FARP1: variants seen among roughly 807,000 people sequenced by gnomAD.
FARP1 encodes FERM, ARHGEF and pleckstrin domain-containing protein 1.
Under a neutral mutation model 128.8 loss-of-function variants are expected in FARP1, and 52 were observed. The observed-to-expected ratio is 0.40, with a 90% CI of 0.32 to 0.51. The LOEUF (loss-of-function observed/expected upper bound fraction) is 0.51, where lower values mean the gene tolerates loss of function less well. FARP1 is among the 20% of genes least tolerant of loss of function. The probability of loss-of-function intolerance (pLI) is 0.45; values close to 1 mark genes in which losing one functional copy is unlikely to be tolerated. For missense variants in FARP1, 1,333 were observed against 1,367.9 expected (o/e 0.97, Z 0.40); for synonymous variants, 580 against 551.8 (o/e 1.05, Z -0.72).
At chr13:98,413,137 C>T (rs556305412) in intron 16 of FARP1, among the ~76,000 whole-genome samples, 2 of 152,290 alleles carry the variant, frequency 1.3e-5, no homozygotes, top group South Asian at 2.1e-4. Flanking sequence ...AAGTGATGTC[C>T]GGCTTTGTAC....
intron 2 of FARP1, among the ~76,000 whole-genome samples, chr13:98,236,117 GC>G (rs1194233770): frequency 2.6e-5 from 4 of 152,152 alleles, no homozygotes; most frequent in African/African-American, 9.7e-5. Context: ...CCTATATGTG[GC>G]CTTTTGTGAC....
intron 2 of FARP1, among the ~76,000 whole-genome samples, chr13:98,231,194 C>G (rs1390042987): frequency 6.6e-6 from 1 of 152,062 alleles, no homozygotes; most frequent in Non-Finnish European, 1.5e-5. Context: ...CAATGACAAG[C>G]CTGGGTGCAA....
rs530974669 is a variant in FARP1 at position 98,339,807 on chromosome 13, T to A, written c.172-3955T>A. On this transcript the variant is annotated intron_variant, in intron 2 of 26. Coordinates refer to ENST00000319562, the MANE Select transcript of FARP1 (RefSeq NM_005766.4). ...ATCGACTTGTGATTTATTAGCTAGA[T>A]CCTAAGTCTCTACTGCAAACCCATG... Among the ~76,000 whole-genome samples the A allele has an allele frequency of 2.9e-4, 44 of 152,332 alleles. No homozygotes were observed. In the South Asian group the frequency reaches 8.9e-3, roughly 31 times the overall value.
intron 3 of FARP1, among the ~76,000 whole-genome samples, chr13:98,357,241 T>A (rs1888680251): frequency 6.6e-6 from 1 of 152,204 alleles, no homozygotes; most frequent in African/African-American, 2.4e-5. Flanking sequence ...CTGTTTGTTT[T>A]CTTTTTGTCT....
intron 2 of FARP1, chr13:98,338,585 T>A (rs1887836855): frequency 6.6e-6 from 1 of 152,264 alleles, no homozygotes; most frequent in Non-Finnish European, 1.5e-5. Flanking sequence ...CCTGGGTTGC[T>A]TCTAGCTTTT....
chr13:98,145,323 G>C (rs1166068723), intron 1 of FARP1, among the ~76,000 whole-genome samples: 1 of 152,214 alleles, frequency 6.6e-6, no homozygotes, highest in African/African-American at 2.4e-5. Flanking sequence ...GTCACTGTGG[G>C]AATCCTTTTG....
intron 1 of FARP1, among the ~76,000 whole-genome samples, chr13:98,195,521 CCCAGACTTCAGGCGGGGCAT>C (rs1879517424): frequency 6.6e-6 from 1 of 152,084 alleles, no homozygotes; most frequent in African/African-American, 2.4e-5. Context: ...TTAGTTCTAA[CCCAGACTTCAGGCGGGGCAT>C]CCAGAGCGTT....
At position 98,446,138 on chromosome 13, in the gene FARP1, G is replaced by A. The variant is rs769358579; in HGVS notation, c.2837G>A (p.Ser946Asn). ...SGNLLRKFKN[S>N]NGWQKLWVVF... The stretch of plus-strand genomic sequence containing the variant: ...AACCTGCTGAGGAAATTCAAAAACA[G>A]CAACGGGTGGCAGAAGCTGTGGGTG... Residue 946 changes from serine to asparagine, a missense_variant, in exon 25 of 27, where the codon AGC becomes AAC. Ser to Asn is a conservative substitution (Grantham distance 46, BLOSUM62 1). Around this residue, in one of 2 missense-constraint regions of FARP1, gnomAD observed 1,009 missense variants for 969.8 expected, o/e 1.04. Coordinates refer to ENST00000319562, the MANE Select transcript of FARP1 (RefSeq NM_005766.4). 11 of 1,613,976 alleles carry A rather than the reference G, an allele frequency of 6.8e-6. No homozygotes were observed. The highest frequency in any genetic ancestry group is 6.7e-5 in the Admixed American group (4 of 59,998).
At chr13:98,356,319 G>A (rs1888639944) in intron 3 of FARP1, among the ~76,000 whole-genome samples, 2 of 152,212 alleles carry the variant, frequency 1.3e-5, no homozygotes, top group Non-Finnish European at 2.9e-5. Context: ...GTGTAAGTAC[G>A]GTTGTCTCTA....
intron 1 of FARP1, among the ~76,000 whole-genome samples, chr13:98,181,966 G>A (rs285099): frequency 0.078 from 11,843 of 152,156 alleles, 652 homozygotes; most frequent in Non-Finnish European, 0.12. Context: ...AGAGAGATTA[G>A]CGCTATCTTT....
At chr13:98,187,917 T>A (rs537547334) in intron 1 of FARP1, among the ~76,000 whole-genome samples, 2 of 152,380 alleles carry the variant, frequency 1.3e-5, no homozygotes, top group South Asian at 2.1e-4. Flanking sequence ...TGTTGAACCC[T>A]CTTTGGGGAG....
chr13:98,362,611 G>C (rs1888918009), intron 3 of FARP1, among the ~76,000 whole-genome samples: 1 of 152,180 alleles, frequency 6.6e-6, no homozygotes, highest in Non-Finnish European at 1.5e-5. Flanking sequence ...CTCTACGCTG[G>C]CCGTCTTATC....
chr13:98,163,709 T>C (rs1050217116), intron 1 of FARP1, among the ~76,000 whole-genome samples: 1 of 87,940 alleles, frequency 1.1e-5, no homozygotes, highest in African/African-American at 2.8e-5. Flanking sequence ...TAGCATGGCC[T>C]TTTCTTTTTT....
Position 98,176,089 on chromosome 13 carries a change from AG to A in FARP1, c.-24+32599del, listed in dbSNP as rs1192356941. On this transcript the variant is annotated intron_variant, in intron 1 of 26. Coordinates refer to ENST00000319562, the MANE Select transcript of FARP1 (RefSeq NM_005766.4). The surrounding 1 kb of genome is among the most constrained non-coding windows in gnomAD (Gnocchi z 6.2). ...GTTACATACTCAGGCATGGGATTGC[AG>A]GAAGACTGTCATCTCTCTCATCTTA... 1 of 1,300,878 alleles carries A rather than the reference AG, an allele frequency of 7.7e-7. No homozygotes were observed. Among genetic ancestry groups the A allele is most frequent in the African/African-American group, 1.5e-5 (1 of 67,762 alleles). 80.6% of individuals were successfully genotyped at this position (1,300,878 alleles called of 1,614,324 possible). A position where few individuals can be genotyped will look rare whatever the true frequency, so the allele number is the denominator to read the frequency against.
rs9554466 is a variant in FARP1 at position 98,419,367 on chromosome 13, G to A, written c.1827-5205G>A. Among the ~76,000 whole-genome samples the A allele has an allele frequency of 2.0e-5, 3 of 151,916 alleles. No homozygotes were observed. The South Asian group carries it at 6.2e-4, about 32-fold the overall frequency. On this transcript the variant is annotated intron_variant, in intron 16 of 26. Coordinates refer to ENST00000319562, the MANE Select transcript of FARP1 (RefSeq NM_005766.4). ...CAGGCACCTATAATCCCAGCTACTCGGGAGGCAGAGGCAGGAGAATCACTT... is the reference window on the plus strand; with the variant it reads ...CAGGCACCTATAATCCCAGCTACTCAGGAGGCAGAGGCAGGAGAATCACTT...
chr13:98,338,493 C>G (rs1452796948), intron 2 of FARP1: 1 of 152,230 alleles, frequency 6.6e-6, no homozygotes, highest in African/African-American at 2.4e-5. Flanking sequence ...CCTGAATCTC[C>G]TTTCTTTTGA....
chr13:98,387,272 G>A (rs1165237703), intron 8 of FARP1, among the ~76,000 whole-genome samples: 1 of 152,156 alleles, frequency 6.6e-6, no homozygotes, highest in African/African-American at 2.4e-5. Context: ...CTGCCCTCCA[G>A]CCTGGGTGAC....
chr13:98,379,093 A>AAT (rs1274111347), intron 6 of FARP1, among the ~76,000 whole-genome samples: 8 of 82,638 alleles, frequency 9.7e-5, no homozygotes, highest in Non-Finnish European at 1.5e-4. Context: ...ATCTATATAT[A>AAT]ATATATATAT....
chr13:98,448,232 G>A lies in FARP1; in HGVS notation c.3057-4G>A. On this transcript the variant is annotated splice_region_variant and splice_polypyrimidine_tract_variant and intron_variant, in intron 26 of 26. Transcript: ENST00000319562. ...GTTGACTAACTGGCGTTCCCGTGTT[G>A]CAGGTGGATGGAAGTGATCCGCAGT... 6.2e-7 allele frequency: 1 copy of A among 1,613,348 alleles called. No individual in the cohort carries two copies. The highest frequency in any genetic ancestry group is 8.5e-7 in the Non-Finnish European group (1 of 1,179,322).
Sources: gnomAD v4.1 joint callset for allele counts (sites outside exome capture counted in the v4.1 genomes callset) on GRCh38, gnomAD v4.1.1 for gene constraint, gnomAD v4.1.1 regional missense constraint, Gnocchi (gnomAD v3.1) non-coding constraint, MANE v1.5 for transcripts, NCBI Gene and HGNC (gene_info 2026-07-23, HGNC 2026-07-21) for gene names.